LCORL: variants seen among roughly 807,000 people sequenced by gnomAD.
The protein encoded by LCORL is ligand-dependent nuclear receptor corepressor-like protein.
Under a neutral mutation model 141.8 loss-of-function variants are expected in LCORL, and 41 were observed. The ratio of observed to expected loss-of-function variants is 0.29; its 90% CI spans 0.23 to 0.38. The LOEUF (loss-of-function observed/expected upper bound fraction) is 0.38. Ranked by LOEUF, LCORL falls within the 10% of genes least tolerant of loss-of-function variation. The probability of loss-of-function intolerance (pLI) is 1.00; values close to 1 mark genes in which losing one functional copy is unlikely to be tolerated. For missense variants in LCORL, 1,759 were observed against 2,035.0 expected, an observed-to-expected ratio of 0.86 and a Z score of 2.61; for synonymous variants, 618 against 694.1, an observed-to-expected ratio of 0.89 and a Z score of 1.72.
chr4:18,020,948 G>A (rs1020139770), intron 1 of LCORL, among the ~76,000 whole-genome samples: 32 of 152,178 alleles, frequency 2.1e-4, no homozygotes, highest in Non-Finnish European at 2.8e-4. Context: ...CTTCTTAAAG[G>A]GGTACACACA....
At chr4:17,989,167 C>T (rs34946925) in intron 1 of LCORL, among the ~76,000 whole-genome samples, 15,944 of 152,118 alleles carry the variant, frequency 0.1, 1,093 homozygotes, top group South Asian at 0.24. Context: ...TCTTCCAAAT[C>T]GTTTTCCTTT....
intron 5 of LCORL, among the ~76,000 whole-genome samples, chr4:17,906,552 T>C (rs1339475079): frequency 1.3e-5 from 2 of 152,200 alleles, no homozygotes; most frequent in South Asian, 4.1e-4. Context: ...TTTTCACATA[T>C]ATTTGCACTT....
intron 1 of LCORL, among the ~76,000 whole-genome samples, chr4:18,009,347 C>T (rs1430227322): frequency 6.6e-6 from 1 of 152,006 alleles, no homozygotes; most frequent in Non-Finnish European, 1.5e-5. Flanking sequence ...GGACACCCTC[C>T]TCACCTCTCT....
chr4:17,931,166 T>C (rs146975669), intron 4 of LCORL, among the ~76,000 whole-genome samples: 13 of 152,168 alleles, frequency 8.5e-5, no homozygotes, highest in African/African-American at 2.4e-4. Context: ...TTGTCATGTC[T>C]TGCATTTTAA....
At chr4:17,912,859 C>A in intron 4 of LCORL, 1 of 444,608 alleles carries the variant, frequency 2.2e-6, no homozygotes, top group Admixed American at 2.7e-5. Flanking sequence ...GGACTTCAAT[C>A]TTGGTGATGC....
At chr4:17,970,258 T>C (rs1488064840) in intron 2 of LCORL, among the ~76,000 whole-genome samples, 1 of 152,152 alleles carries the variant, frequency 6.6e-6, no homozygotes, top group Non-Finnish European at 1.5e-5. Flanking sequence ...ACACTACTCA[T>C]TTTGTAAATG....
chr4:17,901,275 T>C (rs1309183636), intron 5 of LCORL, among the ~76,000 whole-genome samples: 1 of 151,814 alleles, frequency 6.6e-6, no homozygotes, highest in Non-Finnish European at 1.5e-5. Context: ...TGTGTAAAGT[T>C]ACCTATAAGG....
chr4:17,998,280 T>C (rs1260122338), intron 1 of LCORL, among the ~76,000 whole-genome samples: 2 of 152,148 alleles, frequency 1.3e-5, no homozygotes, highest in African/African-American at 2.4e-5. Context: ...TTTATAAACA[T>C]TGTACGACTA....
chr4:17,982,173 A>G (rs1460644179), intron 1 of LCORL, among the ~76,000 whole-genome samples: 1 of 149,374 alleles, frequency 6.7e-6, no homozygotes, highest in Non-Finnish European at 1.5e-5. Flanking sequence ...TATCCAATCT[A>G]TCAATGATGG....
At chr4:18,020,886 C>T (rs1006497782) in intron 1 of LCORL, among the ~76,000 whole-genome samples, 2 of 152,208 alleles carry the variant, frequency 1.3e-5, no homozygotes, top group Non-Finnish European at 2.9e-5. Flanking sequence ...GTCCAGACTT[C>T]CAAAGAGGGA....
chr4:17,849,367 C>T (rs1271207327), intron 7 of LCORL, among the ~76,000 whole-genome samples: 4 of 152,182 alleles, frequency 2.6e-5, no homozygotes, highest in East Asian at 1.9e-4. Context: ...TCGCGGTTCA[C>T]GAAAATCTGC....
chr4:18,007,527 C>T (rs1388625248), intron 1 of LCORL, among the ~76,000 whole-genome samples: 1 of 152,060 alleles, frequency 6.6e-6, no homozygotes, highest in Non-Finnish European at 1.5e-5. Context: ...ATTCTGTAGT[C>T]AGAGAGCCTT....
chr4:17,961,847 T>C, intron 4 of LCORL, 56 bp downstream of exon 4: 2 of 1,508,914 alleles, frequency 1.3e-6, no homozygotes, highest in South Asian at 1.3e-5. Context: ...GTAAAAAAAT[T>C]CCAACATTTT....
chr4:18,005,820 C>T (rs1722709934), intron 1 of LCORL, among the ~76,000 whole-genome samples: 1 of 152,162 alleles, frequency 6.6e-6, no homozygotes, highest in African/African-American at 2.4e-5. Flanking sequence ...TGCATCCGGC[C>T]CATGAAACCA....
exon 7 of LCORL, chr4:17,875,081 C>A: frequency 8.1e-7 from 1 of 1,233,524 alleles, no homozygotes; most frequent in Non-Finnish European, 1.0e-6. Flanking sequence ...TTATTTTATC[C>A]ATTTGAGTGC....
intron 4 of LCORL, among the ~76,000 whole-genome samples, chr4:17,951,041 G>C (rs1448462062): frequency 6.6e-6 from 1 of 152,154 alleles, no homozygotes; most frequent in African/African-American, 2.4e-5. Flanking sequence ...TTCAGACATG[G>C]ATGAACCTCA....
intron 3 of LCORL, among the ~76,000 whole-genome samples, chr4:17,962,567 G>T (rs1329872822): frequency 6.6e-6 from 1 of 151,972 alleles, no homozygotes; most frequent in African/African-American, 2.4e-5. Context: ...GACTTCAAGA[G>T]TAAGTGAAAG....
In LCORL at chr4:17,982,108, G is replaced by A. The variant is rs1718099104; in HGVS notation, c.155-9223C>T. On this transcript the variant is annotated intron_variant, in intron 1 of 7. Coordinates refer to ENST00000635767, the Ensembl canonical transcript of LCORL. ...CTGCATAGTATTCCATCGTGTGTGT[G>A]TGTGTGTGTGTGTGTGTGTGTGTGT... Among the ~76,000 whole-genome samples, 3 of 124,392 alleles carry A rather than the reference G, an allele frequency of 2.4e-5. No individual in the cohort carries two copies. The South Asian group carries it at 7.2e-4, about 30-fold the overall frequency. The allele number at this position is 124,392 out of a possible 152,430, so 81.6% of individuals were successfully genotyped here.
intron 4 of LCORL, among the ~76,000 whole-genome samples, chr4:17,957,035 G>C (rs1247510175): frequency 6.6e-6 from 1 of 151,736 alleles, no homozygotes; most frequent in Non-Finnish European, 1.5e-5. Context: ...TAGGAATGTG[G>C]GAAAAGGTGG....
Sources: allele counts gnomAD v4.1 joint callset (sites outside exome capture counted in the v4.1 genomes callset), GRCh38; gene constraint gnomAD v4.1.1; transcripts MANE v1.5; gene names NCBI Gene and HGNC (gene_info 2026-07-23, HGNC 2026-07-21).